KIAA2012: variants seen among roughly 807,000 people sequenced by gnomAD.
KIAA2012 encodes the protein uncharacterized protein KIAA2012.
A neutral mutation model predicts 150.6 loss-of-function variants in KIAA2012; 125 were observed. The observed-to-expected ratio is 0.83, with a 90% CI of 0.72 to 0.96. The LOEUF is 0.96. Ranked by LOEUF, KIAA2012 falls within the 40% of genes least tolerant of loss-of-function variation. The probability of loss-of-function intolerance (pLI) is 0.00; values close to 1 mark genes in which losing one functional copy is unlikely to be tolerated. For missense variants in KIAA2012, 1,219 were observed against 1,354.9 expected, an observed-to-expected ratio of 0.90 and a Z score of 1.57; for synonymous variants, 462 against 504.7, an observed-to-expected ratio of 0.92 and a Z score of 1.13.
chr2:202,181,568 C>T (rs189739460), intron 15 of KIAA2012, among the ~76,000 whole-genome samples: 146 of 151,464 alleles, frequency 9.6e-4, no homozygotes, highest in East Asian at 3.5e-3. Context: ...AGCAACAGAG[C>T]GAGACCCTGT....
intron 11 of KIAA2012, among the ~76,000 whole-genome samples, chr2:202,120,108 A>G (rs1220962989): frequency 6.6e-6 from 1 of 152,208 alleles, no homozygotes; most frequent in Non-Finnish European, 1.5e-5. Flanking sequence ...TGTGAGTCCA[A>G]TTAAACCTCT....
intron 15 of KIAA2012, among the ~76,000 whole-genome samples, chr2:202,175,714 T>C (rs548720784): frequency 6.6e-6 from 1 of 152,342 alleles, no homozygotes; most frequent in South Asian, 2.1e-4. Context: ...AAGAAATAAA[T>C]TTCTGTTGTT....
intron 11 of KIAA2012, among the ~76,000 whole-genome samples, chr2:202,120,921 C>T (rs973059926): frequency 1.3e-5 from 2 of 152,118 alleles, no homozygotes; most frequent in Non-Finnish European, 1.5e-5. Flanking sequence ...AATCCCCCAC[C>T]CTGGATTTTA....
chr2:202,129,262 C>T (rs544678561), intron 12 of KIAA2012, among the ~76,000 whole-genome samples: 2 of 151,412 alleles, frequency 1.3e-5, no homozygotes, highest in South Asian at 4.2e-4. Flanking sequence ...CTCTATTGCC[C>T]AGGCTGGAGT....
chr2:202,133,130 A>ATTTTTTTTTTTTT (rs60064904), intron 12 of KIAA2012, among the ~76,000 whole-genome samples: 14 of 67,694 alleles, frequency 2.1e-4, no homozygotes, highest in South Asian at 5.4e-4. Flanking sequence ...ATATATATAT[A>ATTTTTTTTTTTTT]TTTTTTTTTT....
intron 22 of KIAA2012, chr2:202,201,916 TCAGGGACGG>T: frequency 1.2e-6 from 1 of 865,676 alleles, no homozygotes; most frequent in South Asian, 1.4e-5. Flanking sequence ...CGTCTCGGCA[TCAGGGACGG>T]TTATCTTTTC....
At chr2:202,174,411 T>C (rs1450592475) in intron 15 of KIAA2012, among the ~76,000 whole-genome samples, 1 of 152,112 alleles carries the variant, frequency 6.6e-6, no homozygotes, top group African/African-American at 2.4e-5. Context: ...AAAATGACAC[T>C]GGTATTATTT....
chr2:202,170,586 G>T (rs1422413245), intron 15 of KIAA2012, among the ~76,000 whole-genome samples: 1 of 152,234 alleles, frequency 6.6e-6, no homozygotes, highest in Admixed American at 6.5e-5. Context: ...CGCTTTGGTG[G>T]AGGAAACAGA....
chr2:202,156,708 A>T (rs1010843351), intron 14 of KIAA2012, among the ~76,000 whole-genome samples: 8 of 152,118 alleles, frequency 5.3e-5, no homozygotes, highest in Admixed American at 2.0e-4. Context: ...ACACGGTGAA[A>T]CCCCATCTCT....
chr2:202,143,306 G>A (rs575783603), intron 13 of KIAA2012, among the ~76,000 whole-genome samples: 26 of 151,736 alleles, frequency 1.7e-4, no homozygotes, highest in African/African-American at 5.3e-4. Flanking sequence ...GCCTGGTCTC[G>A]AACTCCTGAG....
chr2:202,189,173 C>T (rs187892066), intron 18 of KIAA2012, among the ~76,000 whole-genome samples: 211 of 152,218 alleles, frequency 1.4e-3, no homozygotes, highest in African/African-American at 4.8e-3. Context: ...GAAGGCTGAA[C>T]TTTGCCAGGT....
At position 202,100,020 on chromosome 2, in the gene KIAA2012, C is replaced by T. The variant is rs115958785; in HGVS notation, c.1012+224C>T. Among the ~76,000 whole-genome samples, 541 of 152,282 alleles carry T rather than the reference C, an allele frequency of 3.6e-3. 5 individuals carry two copies. Among genetic ancestry groups the T allele is most frequent in the Non-Finnish European group, 5.1e-3 (347 of 68,018 alleles). Reference sequence around the variant, plus strand: ...TCATACTGTCTGGGCTCAAGTTACCCCCACTTACAGTTGTGATCTTGGACA... The same window carrying T: ...TCATACTGTCTGGGCTCAAGTTACCTCCACTTACAGTTGTGATCTTGGACA... On this transcript the variant is annotated intron_variant, in intron 6 of 23. Transcript: ENST00000498697.
intron 15 of KIAA2012, among the ~76,000 whole-genome samples, chr2:202,167,265 C>G (rs1473098929): frequency 6.6e-6 from 1 of 152,116 alleles, no homozygotes; most frequent in Non-Finnish European, 1.5e-5. Context: ...TTGTTTATTT[C>G]CTAGGCCAAT....
At chr2:202,127,466 T>C (rs1011374613) in intron 12 of KIAA2012, among the ~76,000 whole-genome samples, 1 of 152,134 alleles carries the variant, frequency 6.6e-6, no homozygotes, top group African/African-American at 2.4e-5. Flanking sequence ...TGGAAGTATA[T>C]AGAGCTTAAG....
At chr2:202,180,518 A>AT (rs566345099) in intron 15 of KIAA2012, among the ~76,000 whole-genome samples, 4 of 152,256 alleles carry the variant, frequency 2.6e-5, no homozygotes, top group Non-Finnish European at 5.9e-5. Context: ...CAAAGAGTAA[A>AT]TTTTTTAATA....
chr2:202,179,963 G>A, intron 15 of KIAA2012: 1 of 728,202 alleles, frequency 1.4e-6, no homozygotes, highest in Non-Finnish European at 2.3e-6. Flanking sequence ...TACTCCAACT[G>A]AAGTTAAGAT....
chr2:202,084,425 T>C (rs1689516765), intron 2 of KIAA2012, among the ~76,000 whole-genome samples: 1 of 152,218 alleles, frequency 6.6e-6, no homozygotes, highest in African/African-American at 2.4e-5. Context: ...AGACCTCATA[T>C]GCATCAGGAA....
intron 9 of KIAA2012, among the ~76,000 whole-genome samples, chr2:202,106,620 G>A (rs1013959205): frequency 5.3e-5 from 8 of 152,294 alleles, no homozygotes; most frequent in African/African-American, 1.9e-4. Context: ...CCAGGAGGCG[G>A]AGGTTGCAGG....
At chr2:202,177,785 T>C (rs991898209) in intron 15 of KIAA2012, among the ~76,000 whole-genome samples, 1 of 152,220 alleles carries the variant, frequency 6.6e-6, no homozygotes, top group African/African-American at 2.4e-5. Context: ...CACTGCTGCA[T>C]TGAATATTGA....
Sources: gnomAD v4.1 joint callset for allele counts (sites outside exome capture counted in the v4.1 genomes callset) on GRCh38, gnomAD v4.1.1 for gene constraint, MANE v1.5 for transcripts, NCBI Gene and HGNC (gene_info 2026-07-23, HGNC 2026-07-21) for gene names.